Variants in DCC observed in about 807,000 individuals in gnomAD.
DCC encodes DCC netrin 1 receptor, also known as netrin receptor DCC.
In DCC, 58 loss-of-function variants were observed where a neutral mutation model predicts 172.5. The ratio of observed to expected loss-of-function variants is 0.34; its 90% CI spans 0.27 to 0.42. DCC has a LOEUF of 0.42. Among genes scored for constraint, DCC ranks in the 10% least tolerant of loss-of-function variants. DCC has a pLI of 1.00. For missense variants in DCC, 1,740 were observed against 1,791.0 expected, an observed-to-expected ratio of 0.97 and a Z score of 0.51; for synonymous variants, 709 against 644.5, an observed-to-expected ratio of 1.10 and a Z score of -1.52.
chr18:53,102,669 G>A (rs916358432), intron 7 of DCC, among the ~76,000 whole-genome samples: 1 of 152,052 alleles, frequency 6.6e-6, no homozygotes, highest in Non-Finnish European at 1.5e-5. Context: ...TCAATGCTAT[G>A]GGCATACGGG....
chr18:53,191,706 C>T (rs1598891766), intron 9 of DCC, among the ~76,000 whole-genome samples: 1 of 152,140 alleles, frequency 6.6e-6, no homozygotes, highest in South Asian at 2.1e-4. Flanking sequence ...ATAACTGTTT[C>T]TAAAAGTTAT....
chr18:53,406,928 C>T (rs971294837), intron 19 of DCC, among the ~76,000 whole-genome samples: 2 of 152,040 alleles, frequency 1.3e-5, no homozygotes, highest in African/African-American at 4.8e-5. Context: ...AGGTCTGTTT[C>T]TATTCTCCAT....
chr18:53,151,071 C>A (rs2043989633), intron 7 of DCC, among the ~76,000 whole-genome samples: 1 of 152,212 alleles, frequency 6.6e-6, no homozygotes, highest in Non-Finnish European at 1.5e-5. Context: ...GATTGAACAG[C>A]TTCTCACCCA....
chr18:53,364,666 T>C (rs2057982955), intron 15 of DCC, among the ~76,000 whole-genome samples: 1 of 152,154 alleles, frequency 6.6e-6, no homozygotes, highest in South Asian at 2.1e-4. Flanking sequence ...TCCAATTGAC[T>C]CCTACCTTCT....
chr18:53,308,385 G>A (rs925037410), intron 13 of DCC, among the ~76,000 whole-genome samples: 17 of 152,020 alleles, frequency 1.1e-4, no homozygotes, highest in Middle Eastern at 3.4e-3. Context: ...TGTTGACCGT[G>A]AATATTGCTT....
At chr18:53,175,916 G>C (rs1011574238) in intron 8 of DCC, among the ~76,000 whole-genome samples, 2 of 152,172 alleles carry the variant, frequency 1.3e-5, no homozygotes, top group African/African-American at 4.8e-5. Context: ...CACACTACCT[G>C]ACTTCAAACT....
In DCC at chr18:52,497,772, A is replaced by G. The variant is rs1166232149; in HGVS notation, c.91+156894A>G. Among the ~76,000 whole-genome samples the G allele has an allele frequency of 4.6e-5, 7 of 152,282 alleles. No homozygotes were observed. In the East Asian group the frequency reaches 1.4e-3, roughly 29 times the overall value. On this transcript the variant is annotated intron_variant, in intron 1 of 28. Transcript: ENST00000442544. Reference sequence around the variant, plus strand: ...GTGGTCTATACACAGTAGCAGCAGCATCACCACGGGGAGCTTGATAGAAAT... The same window carrying G: ...GTGGTCTATACACAGTAGCAGCAGCGTCACCACGGGGAGCTTGATAGAAAT...
intron 1 of DCC, among the ~76,000 whole-genome samples, chr18:52,405,017 A>G (rs1408315777): frequency 6.6e-6 from 1 of 151,888 alleles, no homozygotes; most frequent in East Asian, 1.9e-4. Context: ...GCTGCATAGT[A>G]TTCCATGGTG....
chr18:52,446,938 T>C (rs1988144969), intron 1 of DCC, among the ~76,000 whole-genome samples: 1 of 152,240 alleles, frequency 6.6e-6, no homozygotes. Context: ...GATTTTTATG[T>C]TACATTCTCA....
chr18:52,857,857 G>A (rs28429834), intron 2 of DCC, among the ~76,000 whole-genome samples: 6,118 of 152,258 alleles, frequency 0.04, 176 homozygotes, highest in Non-Finnish European at 0.062. Context: ...CTGTGCAAAT[G>A]AGAAAATAAT....
intron 1 of DCC, among the ~76,000 whole-genome samples, chr18:52,651,032 G>C (rs908178152): frequency 1.3e-5 from 2 of 152,078 alleles, no homozygotes; most frequent in Admixed American, 6.5e-5. Context: ...AAAAGAAAAA[G>C]CTAAAATCCC....
chr18:53,222,549 T>C (rs2144594815), intron 12 of DCC, among the ~76,000 whole-genome samples: 1 of 150,570 alleles, frequency 6.6e-6, no homozygotes. Context: ...CATGCCTGGC[T>C]AATTTTTTAC....
chr18:53,425,315 A>T (rs907288112), intron 21 of DCC, among the ~76,000 whole-genome samples: 4 of 150,206 alleles, frequency 2.7e-5, no homozygotes, highest in African/African-American at 4.9e-5. Context: ...AACTCTTTGA[A>T]GTGCTCTAAT....
intron 1 of DCC, among the ~76,000 whole-genome samples, chr18:52,670,931 G>A (rs544811100): frequency 6.6e-6 from 1 of 152,030 alleles, no homozygotes; most frequent in Admixed American, 6.5e-5. Flanking sequence ...ATTCTATTTT[G>A]ACTCTCTATG....
At chr18:53,385,700 T>A (rs938987014) in intron 15 of DCC, among the ~76,000 whole-genome samples, 79 of 152,338 alleles carry the variant, frequency 5.2e-4, no homozygotes, top group Middle Eastern at 3.4e-3. Flanking sequence ...CTTACACAGA[T>A]GCAGACAACA....
At chr18:53,024,257 G>T (rs927991688) in intron 5 of DCC, among the ~76,000 whole-genome samples, 1 of 152,060 alleles carries the variant, frequency 6.6e-6, no homozygotes. Flanking sequence ...ACATATAAAA[G>T]ACAAGAATCA....
chr18:52,552,551 C>A (rs1337741845), intron 1 of DCC, among the ~76,000 whole-genome samples: 1 of 151,964 alleles, frequency 6.6e-6, no homozygotes, highest in African/African-American at 2.4e-5. Flanking sequence ...ATTTATCAAA[C>A]TATATGAGTT....
At chr18:53,093,293 T>C (rs1276897006) in intron 7 of DCC, among the ~76,000 whole-genome samples, 3 of 152,074 alleles carry the variant, frequency 2.0e-5, no homozygotes, top group African/African-American at 7.2e-5. Context: ...CTAATATTAA[T>C]ATAAAATAAA....
At chr18:53,091,847 CTATCAATCTATCTATATATA>C (rs1322317795) in intron 7 of DCC, among the ~76,000 whole-genome samples, 20 of 55,684 alleles carry the variant, frequency 3.6e-4, no homozygotes, top group East Asian at 3.9e-3. Context: ...ATCTATCTAT[CTATCAATCTATCTATATATA>C]TATATATATC....
Sources: allele counts gnomAD v4.1 joint callset (sites outside exome capture counted in the v4.1 genomes callset), GRCh38; gene constraint gnomAD v4.1.1; transcripts MANE v1.5; gene names NCBI Gene and HGNC (gene_info 2026-07-23, HGNC 2026-07-21).